Variants in RANBP2 observed in about 807,000 individuals in gnomAD.
The protein encoded by RANBP2 is E3 SUMO-protein ligase RanBP2.
Under a neutral mutation model 303.6 loss-of-function variants are expected in RANBP2, and 57 were observed. That is an observed-to-expected ratio of 0.19 (90% CI 0.15 to 0.23). The LOEUF is 0.23. Among genes scored for constraint, RANBP2 ranks in the 10% least tolerant of loss-of-function variants. The pLI, the probability that RANBP2 is intolerant of heterozygous loss-of-function variation, is 1.00. For synonymous variants in RANBP2, 1,167 were observed against 1,301.5 expected (o/e 0.90, Z 2.23); for missense variants, 3,138 against 3,780.8 (o/e 0.83, Z 4.46).
At chr2:108,798,710 CACACACACA>C in the RANBP2 span, 1 of 22,018 alleles carries the variant, frequency 4.5e-5, no homozygotes, top group African/African-American at 8.1e-5. Context: ...TCCACGCCTA[CACACACACA>C]CACACACACA....
the RANBP2 span, among the ~76,000 whole-genome samples, chr2:108,824,889 A>G: frequency 6.6e-6 from 1 of 152,178 alleles, no homozygotes; most frequent in African/African-American, 2.4e-5. Flanking sequence ...TGGGACCAGC[A>G]TTGTTATATG....
At chr2:108,792,867 A>G in the RANBP2 span, among the ~76,000 whole-genome samples, 1 of 151,714 alleles carries the variant, frequency 6.6e-6, no homozygotes, top group African/African-American at 2.4e-5. Context: ...GATCGAGACC[A>G]TCCTGGCTAA....
the RANBP2 span, among the ~76,000 whole-genome samples, chr2:109,575,411 G>C: frequency 6.6e-6 from 1 of 152,218 alleles, no homozygotes. Context: ...ACTAGTAATG[G>C]TGGCACGTTT....
At chr2:108,852,388 T>C in the RANBP2 span, among the ~76,000 whole-genome samples, 1 of 152,144 alleles carries the variant, frequency 6.6e-6, no homozygotes, top group Non-Finnish European at 1.5e-5. Flanking sequence ...AACCCAACAA[T>C]CCCATTACTG....
At chr2:109,219,814 T>C in the RANBP2 span, among the ~76,000 whole-genome samples, 8 of 152,340 alleles carry the variant, frequency 5.3e-5, no homozygotes, top group Admixed American at 6.5e-5. Flanking sequence ...TGTTCATGGA[T>C]TGGAAGACTT....
the RANBP2 span, among the ~76,000 whole-genome samples, chr2:108,827,672 C>T: frequency 6.6e-6 from 1 of 151,906 alleles, no homozygotes; most frequent in Admixed American, 6.6e-5. Context: ...AAAAATTAGC[C>T]AGGCGTGGTG....
chr2:109,113,492 A>C, the RANBP2 span, among the ~76,000 whole-genome samples: 1 of 151,060 alleles, frequency 6.6e-6, no homozygotes, highest in East Asian at 1.9e-4. Flanking sequence ...TTTGTATCCT[A>C]AGACTTTGCT....
chr2:109,233,181 G>C, the RANBP2 span, among the ~76,000 whole-genome samples: 1 of 152,192 alleles, frequency 6.6e-6, no homozygotes, highest in African/African-American at 2.4e-5. Flanking sequence ...CAGTCAGGGT[G>C]ACAGCTTCTT....
chr2:109,636,174 A>G, the RANBP2 span, among the ~76,000 whole-genome samples: 3 of 152,222 alleles, frequency 2.0e-5, no homozygotes, highest in Non-Finnish European at 4.4e-5. Context: ...AAACTGTGAG[A>G]AATAAATGTC....
the RANBP2 span, among the ~76,000 whole-genome samples, chr2:108,951,949 C>G: frequency 6.6e-6 from 1 of 152,320 alleles, no homozygotes; most frequent in South Asian, 2.1e-4. Flanking sequence ...CTCTTACAGT[C>G]TAATAAGAGG....
At chr2:109,719,997 C>T in the RANBP2 span, among the ~76,000 whole-genome samples, 7 of 152,174 alleles carry the variant, frequency 4.6e-5, no homozygotes, top group East Asian at 5.8e-4. Context: ...GCTGTTCTAC[C>T]GAGGACTCGT....
the RANBP2 span, among the ~76,000 whole-genome samples, chr2:109,143,646 T>C: frequency 4.9e-4 from 74 of 152,024 alleles, no homozygotes; most frequent in African/African-American, 1.7e-3. Flanking sequence ...CCTAGATACA[T>C]AAGAGGCTGA....
the RANBP2 span, chr2:109,574,703 T>C: frequency 6.2e-7 from 1 of 1,607,446 alleles, no homozygotes; most frequent in Non-Finnish European, 8.5e-7. Context: ...GAACGCTTAA[T>C]CTTCAGTTCT....
At chr2:109,228,660 G>T in the RANBP2 span, among the ~76,000 whole-genome samples, 2 of 152,140 alleles carry the variant, frequency 1.3e-5, no homozygotes, top group African/African-American at 4.8e-5. Context: ...TGCAAATCTG[G>T]TTTATTATAT....
At chr2:109,122,818 C>A in the RANBP2 span, among the ~76,000 whole-genome samples, 1 of 152,170 alleles carries the variant, frequency 6.6e-6, no homozygotes. Context: ...CTACAGTGAA[C>A]CATGATTGTG....
chr2:109,298,257 T>C, the RANBP2 span, among the ~76,000 whole-genome samples: 1 of 152,098 alleles, frequency 6.6e-6, no homozygotes, highest in African/African-American at 2.4e-5. Context: ...TGATCTCAGC[T>C]ATGTCCCCGA....
At chr2:109,023,176 A>T in the RANBP2 span, among the ~76,000 whole-genome samples, 1 of 152,266 alleles carries the variant, frequency 6.6e-6, no homozygotes, top group South Asian at 2.1e-4. Context: ...TCACCTAGTG[A>T]TGACTGAGCA....
chr2:109,184,789 C>A, the RANBP2 span, among the ~76,000 whole-genome samples: 279 of 152,280 alleles, frequency 1.8e-3, no homozygotes, highest in Non-Finnish European at 2.7e-3. Context: ...GGAGTTGTGC[C>A]ACATACAAGA....
intron 8 of RANBP2, among the ~76,000 whole-genome samples, chr2:108,748,208 CTT>C (rs779008153): frequency 4.9e-5 from 7 of 141,734 alleles, no homozygotes; most frequent in Admixed American, 7.1e-5. Flanking sequence ...GGAAATAATT[CTT>C]TTTTTTTTTT....
Sources: allele counts gnomAD v4.1 joint callset (sites outside exome capture counted in the v4.1 genomes callset), GRCh38; gene constraint gnomAD v4.1.1; transcripts MANE v1.5; gene names NCBI Gene and HGNC (gene_info 2026-07-23, HGNC 2026-07-21).